Variants in GLRX5 observed in about 807,000 individuals in gnomAD.
GLRX5 encodes glutaredoxin-related protein 5, mitochondrial.
Under a neutral mutation model 13.8 loss-of-function variants are expected in GLRX5, and 10 were observed. That is an observed-to-expected ratio of 0.72 (90% confidence interval 0.45 to 1.23). GLRX5 has a LOEUF of 1.23. Ranked by LOEUF, GLRX5 falls within the 50% of genes most tolerant of loss-of-function variation. The pLI is 0.00. For synonymous variants in GLRX5, 98 were observed against 101.1 expected (o/e 0.97, Z 0.18); for missense variants, 233 against 215.2 (o/e 1.08, Z -0.52).
At chr14:95,543,367 A>T (rs1449281613) in intron 1 of GLRX5, 1 of 339,518 alleles carries the variant, frequency 2.9e-6, no homozygotes, top group Non-Finnish European at 5.8e-6. Context: ...TCAACAACTC[A>T]TCATCTCGAG....
intron 1 of GLRX5, chr14:95,543,714 A>G (rs1891510950): frequency 1.8e-6 from 1 of 550,230 alleles, no homozygotes; most frequent in Non-Finnish European, 3.3e-6. Flanking sequence ...ATGAGAGGTC[A>G]GGTGACTTGT....
At position 95,535,235 on chromosome 14, in the gene GLRX5, TGAA is replaced by T. The variant is rs869320757; in HGVS notation, c.151_153del (p.Lys51del). 49 of 1,562,530 alleles carry T rather than the reference TGAA, an allele frequency of 3.1e-5. No individual in the cohort carries two copies. Among genetic ancestry groups the T allele is most frequent in the Middle Eastern group, 2.1e-4 (1 of 4,748 alleles). ...TCGGCGGAGCAGTTGGACGCGCTGGTGAAGAAGGACAAGGTGGTGGTCTTCCTC... is the reference window on the plus strand; with the variant it reads ...TCGGCGGAGCAGTTGGACGCGCTGGTGAAGGACAAGGTGGTGGTCTTCCTC... On this transcript the variant is annotated inframe_deletion, in exon 1 of 2. Transcript: ENST00000331334.
At chr14:95,543,304 AG>A (rs1177505420) in intron 1 of GLRX5, 1 of 375,012 alleles carries the variant, frequency 2.7e-6, no homozygotes, top group Non-Finnish European at 5.4e-6. Flanking sequence ...GCTGTGGGAC[AG>A]GGATTTTTCC....
Position 95,544,346 on chromosome 14 carries a change from C to T in GLRX5, c.*221C>T, listed in dbSNP as rs547389264. On this transcript the variant is annotated 3_prime_UTR_variant, in exon 2 of 2. Coordinates refer to ENST00000331334, the MANE Select transcript of GLRX5 (RefSeq NM_016417.3). ...ACCACTGCACTGTAATGATTCAATG[C>T]TGTATTATGATATTGCTGTAAACAA... 1.7e-6 allele frequency: 1 copy of T among 584,402 alleles called. No individual in the cohort carries two copies. Among genetic ancestry groups the T allele is most frequent in the Admixed American group, 2.9e-5 (1 of 34,178 alleles). 36.2% of individuals were successfully genotyped at this position (584,402 alleles called of 1,614,324 possible). A position where few individuals can be genotyped will look rare whatever the true frequency, so the allele number is the denominator to read the frequency against.
Position 95,535,065 on chromosome 14 carries a change from C to T in GLRX5, c.-25C>T, listed in dbSNP as rs1435665912. 57 of 1,332,134 alleles carry T rather than the reference C, an allele frequency of 4.3e-5. 1 individual carries two copies. The highest frequency in any genetic ancestry group is 1.6e-4 in the East Asian group (4 of 25,170). The allele number at this position is 1,332,134 out of a possible 1,614,324, so 82.5% of individuals were successfully genotyped here. On this transcript the variant is annotated 5_prime_UTR_variant, in exon 1 of 2. Coordinates refer to ENST00000331334, the MANE Select transcript of GLRX5 (RefSeq NM_016417.3). ...GTGGCCAGCTGTGGGCCCGGGCCGTCGTGGGCTCCGGCTTGCGTGCGGAGA... is the reference window on the plus strand; with the variant it reads ...GTGGCCAGCTGTGGGCCCGGGCCGTTGTGGGCTCCGGCTTGCGTGCGGAGA...
intron 1 of GLRX5, chr14:95,543,358 C>T (rs1394341472): frequency 3.1e-6 from 1 of 326,044 alleles, no homozygotes; most frequent in Non-Finnish European, 6.0e-6. Context: ...AAAAAAAACT[C>T]AACAACTCAT....
chr14:95,543,221 G>C (rs1441350377), intron 1 of GLRX5: 1 of 455,712 alleles, frequency 2.2e-6, no homozygotes, highest in East Asian at 6.9e-5. Flanking sequence ...TTCGGGTTCT[G>C]CACAGAGCCT....
intron 1 of GLRX5, 109 bp downstream of exon 1, chr14:95,535,493 C>T (rs1891355820): frequency 2.7e-6 from 3 of 1,095,760 alleles, no homozygotes; most frequent in Admixed American, 4.3e-5. Context: ...CTCCATCCGC[C>T]GGGGTCTGTC....
At chr14:95,540,797 T>C (rs1891461680) in intron 1 of GLRX5, among the ~76,000 whole-genome samples, 2 of 152,234 alleles carry the variant, frequency 1.3e-5, no homozygotes, top group Non-Finnish European at 2.9e-5. Context: ...ATTATGCTGC[T>C]CTCGTAATTT....
chr14:95,539,380 C>T lies in GLRX5; in HGVS notation c.295+3996C>T, dbSNP rs536728131. On this transcript the variant is annotated intron_variant, in intron 1 of 1. Transcript: ENST00000331334. ...AGACCAGATAAATAAACTTTAGTCACATGATGGAAAGCTAAACTGTAGTTA... is the reference window on the plus strand; with the variant it reads ...AGACCAGATAAATAAACTTTAGTCATATGATGGAAAGCTAAACTGTAGTTA... Among the ~76,000 whole-genome samples the T allele has an allele frequency of 3.9e-5, 6 of 152,304 alleles. No homozygotes were observed. The South Asian group carries it at 1.2e-3, about 32-fold the overall frequency.
At position 95,544,032 on chromosome 14, in the gene GLRX5, G is replaced by C. The variant is rs199687325; in HGVS notation, c.381G>C (p.Gln127His). Residue 127 changes from glutamine to histidine, a missense_variant, in exon 2 of 2, where the codon CAG becomes CAC. Transcript: ENST00000331334. ...TAGGGGGCTGTGACATTCTTCTGCA[G>C]ATGCACCAGAATGGGGACTTGGTGG... ...EFVGGCDILL[Q>H]MHQNGDLVEE... 258 of 1,613,274 alleles carry C rather than the reference G, an allele frequency of 1.6e-4. 1 individual carries two copies. The South Asian group carries it at 2.1e-3, about 13-fold the overall frequency.
intron 1 of GLRX5, among the ~76,000 whole-genome samples, chr14:95,542,601 G>A (rs1279126801): frequency 6.6e-6 from 1 of 152,130 alleles, no homozygotes; most frequent in African/African-American, 2.4e-5. Context: ...AAATTATAGG[G>A]TATCAAGAGC....
chr14:95,541,453 G>A (rs1167238520), intron 1 of GLRX5, among the ~76,000 whole-genome samples: 2 of 152,206 alleles, frequency 1.3e-5, no homozygotes, highest in Non-Finnish European at 2.9e-5. Context: ...GTTTGGCCTT[G>A]ATGCCAGCTG....
In GLRX5 at chr14:95,535,128, C is replaced by T; in HGVS notation, c.39C>T (p.Leu13=). The T allele has an allele frequency of 4.0e-6, 5 of 1,244,500 alleles. No homozygotes were observed. Among genetic ancestry groups the T allele is most frequent in the Non-Finnish European group, 4.0e-6 (4 of 988,650 alleles). 77.1% of individuals were successfully genotyped at this position (1,244,500 alleles called of 1,614,324 possible). The change falls in exon 1 of 2, where the codon CTC becomes CTT. Residue 13 remains leucine (L), a synonymous_variant. Coordinates refer to ENST00000331334, the MANE Select transcript of GLRX5 (RefSeq NM_016417.3). ...GSLGRAAAAL[L]RWGRGAGGGG... is the part of the protein sequence containing the mutation. ...TCGGCCGAGCTGCGGCGGCTCTGCT[C>T]CGCTGGGGGCGCGGCGCGGGCGGCG...
intron 1 of GLRX5, among the ~76,000 whole-genome samples, chr14:95,538,977 A>ATC (rs1450968607): frequency 6.6e-6 from 1 of 152,216 alleles, no homozygotes; most frequent in African/African-American, 2.4e-5. Context: ...CAGGCCAGGG[A>ATC]TCGAGGACTT....
rs7158346 is a variant in GLRX5 at position 95,535,272 on chromosome 14, G to A, written c.183G>A (p.Thr61=). 1.3e-6 allele frequency: 2 copies of A among 1,570,334 alleles called. No individual in the cohort carries two copies. Among genetic ancestry groups the A allele is most frequent in the East Asian group, 2.3e-5 (1 of 43,364 alleles). ...KDKVVVFLKG[T]PEQPQCGFSN... ...AGGTGGTGGTCTTCCTCAAGGGGAC[G>A]CCGGAGCAGCCCCAGTGCGGCTTCA... Residue 61 remains threonine (T), a synonymous_variant, in exon 1 of 2, where the codon ACG becomes ACA. Coordinates refer to ENST00000331334, the MANE Select transcript of GLRX5 (RefSeq NM_016417.3).
chr14:95,535,283 C>T lies in GLRX5; in HGVS notation c.194C>T (p.Pro65Leu). ...VVFLKGTPEQ[P>L]QCGFSNAVVQ... ...TTCCTCAAGGGGACGCCGGAGCAGCCCCAGTGCGGCTTCAGCAACGCCGTG... is the reference window on the plus strand; with the variant it reads ...TTCCTCAAGGGGACGCCGGAGCAGCTCCAGTGCGGCTTCAGCAACGCCGTG... The change falls in exon 1 of 2, where the codon CCC becomes CTC. Residue 65 changes from proline to leucine, a missense_variant. Coordinates refer to ENST00000331334, the MANE Select transcript of GLRX5 (RefSeq NM_016417.3). The T allele has an allele frequency of 1.9e-6, 3 of 1,567,900 alleles. No individual in the cohort carries two copies. Among genetic ancestry groups the T allele is most frequent in the Admixed American group, 1.9e-5 (1 of 51,928 alleles).
At chr14:95,542,916 G>A (rs756625570) in intron 1 of GLRX5, 17 of 405,462 alleles carry the variant, frequency 4.2e-5, no homozygotes, top group Non-Finnish European at 6.6e-5. Context: ...AATGTTAAGA[G>A]TAATCTTTTA....
At chr14:95,538,930 T>G (rs1891426377) in intron 1 of GLRX5, among the ~76,000 whole-genome samples, 1 of 152,228 alleles carries the variant, frequency 6.6e-6, no homozygotes, top group Non-Finnish European at 1.5e-5. Context: ...GAGACTGACT[T>G]CTGCATGTGT....
Sources: gnomAD v4.1 joint callset for allele counts (sites outside exome capture counted in the v4.1 genomes callset) on GRCh38, gnomAD v4.1.1 for gene constraint, MANE v1.5 for transcripts, NCBI Gene and HGNC (gene_info 2026-07-23, HGNC 2026-07-21) for gene names.